CUL4A: variants seen among roughly 807,000 people sequenced by gnomAD.
CUL4A encodes the protein cullin-4A.
In CUL4A, 16 loss-of-function variants were observed where a neutral mutation model predicts 95.5. That is an observed-to-expected ratio of 0.17 (90% CI 0.11 to 0.25). The LOEUF (loss-of-function observed/expected upper bound fraction) is 0.25, where lower values mean the gene tolerates loss of function less well. Among genes scored for constraint, CUL4A ranks in the 10% least tolerant of loss-of-function variants. The pLI, the probability that CUL4A is intolerant of heterozygous loss-of-function variation, is 1.00. For missense variants in CUL4A, 610 were observed against 937.0 expected (o/e 0.65, Z 4.56); for synonymous variants, 380 against 353.1 (o/e 1.08, Z -0.85).
chr13:113,243,456 C>T (rs2041776699), intron 11 of CUL4A, among the ~76,000 whole-genome samples: 1 of 152,044 alleles, frequency 6.6e-6, no homozygotes, highest in Non-Finnish European at 1.5e-5. Flanking sequence ...TCTTTGTATC[C>T]TCTAATCCAT....
At chr13:113,240,232 T>G (rs1595398009) in intron 10 of CUL4A, among the ~76,000 whole-genome samples, 1 of 152,182 alleles carries the variant, frequency 6.6e-6, no homozygotes, top group East Asian at 1.9e-4. Context: ...TTTGTGGCTG[T>G]CTGAACAGAG....
At chr13:113,250,944 A>T (rs1398722220) in intron 15 of CUL4A, among the ~76,000 whole-genome samples, 1 of 152,172 alleles carries the variant, frequency 6.6e-6, no homozygotes, top group Non-Finnish European at 1.5e-5. Context: ...GTTTTGAAGC[A>T]TGAAGAGGAG....
rs758614050 is a variant in CUL4A, at chr13:113,266,838, A to G, written c.*3256A>G. The G allele has an allele frequency of 2.0e-5, 3 of 152,222 alleles. No individual in the cohort carries two copies. The highest frequency in any genetic ancestry group is 4.4e-5 in the Non-Finnish European group (3 of 68,030). The allele number at this position is 152,222 out of a possible 1,614,324, so 9.4% of individuals were successfully genotyped here. A position where few individuals can be genotyped will look rare whatever the true frequency, so the allele number is the denominator to read the frequency against. ...TTTACGTGTAAAAAAATACATATAT[A>G]TGAAACCATAATCATAAGATACTTT... On this transcript the variant is annotated 3_prime_UTR_variant, in exon 20 of 20. Transcript: ENST00000375440.
intron 18 of CUL4A, among the ~76,000 whole-genome samples, chr13:113,259,454 G>A (rs1326605395): frequency 1.3e-5 from 2 of 152,180 alleles, no homozygotes; most frequent in East Asian, 3.8e-4. Flanking sequence ...TTGGACTAAG[G>A]TTAAGTTGTC....
chr13:113,228,018 G>A lies in CUL4A; in HGVS notation c.411G>A (p.Thr137=), dbSNP rs1254630193. The change falls in exon 4 of 20, where the codon ACG becomes ACA. Residue 137 remains threonine (T), a synonymous_variant. Coordinates refer to ENST00000375440, the MANE Select transcript of CUL4A (RefSeq NM_001008895.4). The stretch of plus-strand genomic sequence containing the variant: ...TTTTATTTTTAAAGAAGATTAACAC[G>A]TGCTGGCAGGACCACTGCAGACAAA... ...DSVLFLKKIN[T]CWQDHCRQMI... The A allele has an allele frequency of 1.2e-5, 20 of 1,613,458 alleles. No individual in the cohort carries two copies. The East Asian group carries it at 1.6e-4, about 13-fold the overall frequency.
chr13:113,232,163 ACTACCCGCCCACCACCATTACTGCTG>A (rs2041357808), intron 5 of CUL4A, among the ~76,000 whole-genome samples: 1 of 136,528 alleles, frequency 7.3e-6, no homozygotes, highest in African/African-American at 3.2e-5. Context: ...TGCTGCCACC[ACTACCCGCCCACCACCATTACTGCTG>A]CCACCACTAC....
At chr13:113,209,461 G>C, upstream of CUL4A, 1 of 210,490 alleles carries the variant, frequency 4.8e-6, no homozygotes, top group South Asian at 1.5e-4. Flanking sequence ...GCGTTCCTAA[G>C]CCCTCAGGAG....
At chr13:113,208,358 C>CGACTCCGCGAT (rs1053646926), upstream of CUL4A, 2 of 1,432,716 alleles carry the variant, frequency 1.4e-6, no homozygotes, top group African/African-American at 2.9e-5. Context: ...TACACCGCGA[C>CGACTCCGCGAT]GACTCCGCGA....
Position 113,255,159 on chromosome 13 carries a change from G to T in CUL4A, c.2031+34G>T, listed in dbSNP as rs759997452. ...AAACTTTCTCTTTTTACTTATAGGG[G>T]GTTTAGCAGGGAATCATTTGTTTTT... On this transcript the variant is annotated intron_variant, in intron 18 of 19. Transcript: ENST00000375440. 4.4e-5 allele frequency: 65 copies of T among 1,492,468 alleles called. No homozygotes were observed. The highest frequency in any genetic ancestry group is 6.0e-5 in the Non-Finnish European group (65 of 1,090,438). 92.5% of individuals were successfully genotyped at this position (1,492,468 alleles called of 1,614,324 possible). A position where few individuals can be genotyped will look rare whatever the true frequency, so the allele number is the denominator to read the frequency against.
intron 11 of CUL4A, among the ~76,000 whole-genome samples, chr13:113,243,364 C>T (rs1451713847): frequency 6.6e-6 from 1 of 152,034 alleles, no homozygotes; most frequent in Non-Finnish European, 1.5e-5. Context: ...TGGAGGAGGG[C>T]ATTTCCATAA....
At chr13:113,262,054 A>G (rs1595440088) in intron 19 of CUL4A, among the ~76,000 whole-genome samples, 1 of 152,322 alleles carries the variant, frequency 6.6e-6, no homozygotes, top group East Asian at 1.9e-4. Context: ...CTGGGATTAC[A>G]GGCGTGAGCC....
At chr13:113,208,401 C>G, upstream of CUL4A, 2 of 1,472,242 alleles carry the variant, frequency 1.4e-6, no homozygotes, top group Non-Finnish European at 1.8e-6. Context: ...CACGGCGGCC[C>G]TGCAGGGGAG....
chr13:113,252,977 C>A, intron 15 of CUL4A, 105 bp from the exon 16 acceptor site: 1 of 561,132 alleles, frequency 1.8e-6, no homozygotes, highest in East Asian at 3.0e-5. Flanking sequence ...TAGAGCTGAC[C>A]TTTTAATTCA....
At chr13:113,218,598 G>A (rs574057217) in intron 2 of CUL4A, among the ~76,000 whole-genome samples, 3 of 152,320 alleles carry the variant, frequency 2.0e-5, no homozygotes, top group South Asian at 2.1e-4. Context: ...CCGGAAACAG[G>A]CCTGTGAGGA....
chr13:113,225,305 T>C (rs564223465), intron 3 of CUL4A, among the ~76,000 whole-genome samples: 1 of 152,336 alleles, frequency 6.6e-6, no homozygotes, highest in South Asian at 2.1e-4. Flanking sequence ...CTATGTGTTA[T>C]ATCCCAGAAT....
At chr13:113,256,403 A>G (rs1176549125) in intron 18 of CUL4A, among the ~76,000 whole-genome samples, 1 of 152,132 alleles carries the variant, frequency 6.6e-6, no homozygotes, top group Non-Finnish European at 1.5e-5. Context: ...TGCACTTGTT[A>G]GATTGTTTCT....
chr13:113,209,882 G>GGGGGCGCC lies in CUL4A; in HGVS notation c.149-80_149-73dup. 6.7e-6 allele frequency: 8 copies of GGGGGCGCC among 1,194,716 alleles called. No homozygotes were observed. The Admixed American group carries it at 1.3e-4, about 20-fold the overall frequency. 74.0% of individuals were successfully genotyped at this position (1,194,716 alleles called of 1,614,324 possible). A position where few individuals can be genotyped will look rare whatever the true frequency, so the allele number is the denominator to read the frequency against. Reference sequence around the variant, plus strand: ...CGAGATCCGTGCGGGCCCCGGGAGCGGGGGCGCCGGGGCGCCGGCCGGGTC... The same window carrying GGGGGCGCC: ...CGAGATCCGTGCGGGCCCCGGGAGCGGGGGCGCCGGGGCGCCGGGGCGCCGGCCGGGTC... On this transcript the variant is annotated intron_variant, in intron 1 of 19. Transcript: ENST00000375440.
intron 2 of CUL4A, among the ~76,000 whole-genome samples, chr13:113,215,130 C>A (rs146348939): frequency 6.9e-6 from 1 of 144,716 alleles, no homozygotes; most frequent in East Asian, 2.1e-4. Flanking sequence ...CCATGGAAGT[C>A]GCGTTCCGTG....
At chr13:113,208,876 CG>C, upstream of CUL4A, 1 of 1,397,128 alleles carries the variant, frequency 7.2e-7, no homozygotes, top group Non-Finnish European at 9.2e-7. Context: ...ATTGTGTGTT[CG>C]GGCCCGCCCG....
Sources: allele counts gnomAD v4.1 joint callset (sites outside exome capture counted in the v4.1 genomes callset), GRCh38; gene constraint gnomAD v4.1.1; transcripts MANE v1.5; gene names NCBI Gene and HGNC (gene_info 2026-07-23, HGNC 2026-07-21).